The following GPHN variants were observed in gnomAD, a reference collection of about 807,000 sequenced individuals.
The protein encoded by GPHN is gephyrin.
In GPHN, 17 loss-of-function variants were observed where a neutral mutation model predicts 95.5. The observed-to-expected ratio is 0.18, with a 90% CI of 0.12 to 0.27. The LOEUF is 0.27. Among genes scored for constraint, GPHN ranks in the 10% least tolerant of loss-of-function variants. The pLI is 1.00. For missense variants in GPHN, 660 were observed against 978.1 expected, an observed-to-expected ratio of 0.67 and a Z score of 4.34; for synonymous variants, 320 against 322.5, an observed-to-expected ratio of 0.99 and a Z score of 0.08.
At chr14:67,541,894 G>C in the GPHN span, 6 of 1,602,542 alleles carry the variant, frequency 3.7e-6, no homozygotes, top group Admixed American at 8.5e-5. Flanking sequence ...TGGAGGCGCC[G>C]GCCAGCGTAG....
chr14:67,572,448 A>G, the GPHN span, among the ~76,000 whole-genome samples: 1 of 152,074 alleles, frequency 6.6e-6, no homozygotes. Flanking sequence ...AGTCAGACAC[A>G]CAGACCCCAC....
the GPHN span, chr14:67,578,012 TTCCC>T: frequency 6.2e-7 from 1 of 1,611,768 alleles, no homozygotes; most frequent in African/African-American, 1.3e-5. The surrounding 1 kb of genome is among the most constrained non-coding windows in gnomAD (Gnocchi z 5.0). Flanking sequence ...CTCACTGCTG[TTCCC>T]TCCCAGTCCT....
At chr14:67,182,571 ACATT>A (rs1428812987), downstream of GPHN, among the ~76,000 whole-genome samples, 2 of 152,238 alleles carry the variant, frequency 1.3e-5, no homozygotes, top group Admixed American at 6.5e-5. Flanking sequence ...CCTTTTATGT[ACATT>A]CATTCAAGAA....
the GPHN span, among the ~76,000 whole-genome samples, chr14:67,212,013 GT>G: frequency 3.9e-5 from 6 of 152,086 alleles, no homozygotes; most frequent in Non-Finnish European, 7.3e-5. Context: ...ACCTTTTCAT[GT>G]TTCTTATAAT....
the GPHN span, among the ~76,000 whole-genome samples, chr14:67,519,973 T>C: frequency 2.6e-5 from 4 of 152,148 alleles, no homozygotes; most frequent in South Asian, 6.2e-4. Context: ...TCCTCCCACC[T>C]CGGCCCCCCA....
chr14:66,952,158 C>G (rs559613510), intron 8 of GPHN, among the ~76,000 whole-genome samples: 2 of 151,996 alleles, frequency 1.3e-5, no homozygotes, highest in Admixed American at 6.6e-5. Context: ...CCACCGCTCC[C>G]AAAAAAACAC....
intron 3 of GPHN, among the ~76,000 whole-genome samples, chr14:66,808,782 G>A (rs1216282525): frequency 1.3e-5 from 2 of 152,108 alleles, no homozygotes; most frequent in African/African-American, 4.8e-5. Flanking sequence ...GGGCAACATA[G>A]TGAGACTTCA....
chr14:67,140,275 T>C (rs1036813472), intron 17 of GPHN, among the ~76,000 whole-genome samples: 1 of 151,892 alleles, frequency 6.6e-6, no homozygotes, highest in Admixed American at 6.6e-5. Flanking sequence ...TCCCAGCTCC[T>C]TGGGAGACTG....
At chr14:66,826,201 A>G (rs1159641519) in intron 4 of GPHN, among the ~76,000 whole-genome samples, 1 of 152,166 alleles carries the variant, frequency 6.6e-6, no homozygotes, top group Non-Finnish European at 1.5e-5. Context: ...TTACATCACA[A>G]AATGTTTTGT....
At chr14:66,727,787 T>C (rs956089276) in intron 2 of GPHN, among the ~76,000 whole-genome samples, 3 of 152,192 alleles carry the variant, frequency 2.0e-5, no homozygotes, top group Admixed American at 1.3e-4. Context: ...ATTTATAGCC[T>C]GACAATGCGA....
At chr14:66,658,958 T>C (rs942545119) in intron 1 of GPHN, among the ~76,000 whole-genome samples, 2 of 151,944 alleles carry the variant, frequency 1.3e-5, no homozygotes, top group African/African-American at 4.8e-5. Context: ...TGGTTTGTGC[T>C]CTTTATTATT....
intron 5 of GPHN, among the ~76,000 whole-genome samples, chr14:66,913,382 C>A (rs1323375263): frequency 1.3e-5 from 2 of 152,124 alleles, no homozygotes; most frequent in Admixed American, 1.3e-4. Flanking sequence ...ACTACTGTCA[C>A]CCAGGCTGGA....
At chr14:67,006,859 C>T (rs984415871) in intron 9 of GPHN, among the ~76,000 whole-genome samples, 1 of 152,126 alleles carries the variant, frequency 6.6e-6, no homozygotes, top group African/African-American at 2.4e-5. Context: ...TGTGCTGTCT[C>T]AAACATTTAG....
the GPHN span, among the ~76,000 whole-genome samples, chr14:67,669,436 CT>C: frequency 7.6e-4 from 110 of 144,528 alleles, no homozygotes; most frequent in Non-Finnish European, 7.6e-4. Context: ...CACTACTCAG[CT>C]TTTTTTTTTT....
intron 1 of GPHN, among the ~76,000 whole-genome samples, chr14:66,515,920 A>G (rs972312541): frequency 6.6e-6 from 1 of 152,222 alleles, no homozygotes; most frequent in African/African-American, 2.4e-5. Flanking sequence ...TTTATGTTTC[A>G]AGGAATAAGG....
intron 4 of GPHN, among the ~76,000 whole-genome samples, chr14:66,846,992 G>A (rs979168696): frequency 2.0e-5 from 3 of 152,080 alleles, no homozygotes; most frequent in Non-Finnish European, 2.9e-5. Context: ...TTTTTCTTAC[G>A]GATTTGATTA....
chr14:66,595,825 C>T (rs1043588850), intron 1 of GPHN, among the ~76,000 whole-genome samples: 3 of 152,132 alleles, frequency 2.0e-5, no homozygotes, highest in African/African-American at 4.8e-5. Flanking sequence ...AAGCAAGGGG[C>T]GTGTTTCAGC....
the GPHN span, among the ~76,000 whole-genome samples, chr14:67,438,260 G>A: frequency 6.6e-6 from 1 of 152,222 alleles, no homozygotes; most frequent in Non-Finnish European, 1.5e-5. Flanking sequence ...CTAGAAGGTG[G>A]GGTGATCAGG....
intron 10 of GPHN, among the ~76,000 whole-genome samples, chr14:67,058,246 A>G (rs1361572317): frequency 6.6e-6 from 1 of 152,250 alleles, no homozygotes; most frequent in Non-Finnish European, 1.5e-5. Context: ...CTAGCAATAA[A>G]TAATCTCTAA....
Sources: allele counts gnomAD v4.1 joint callset (sites outside exome capture counted in the v4.1 genomes callset), GRCh38; gene constraint gnomAD v4.1.1; non-coding constraint Gnocchi (gnomAD v3.1); transcripts MANE v1.5; gene names NCBI Gene and HGNC (gene_info 2026-07-23, HGNC 2026-07-21).